The following RIPOR3 variants were observed in gnomAD, a reference collection of about 807,000 sequenced individuals.
The protein encoded by RIPOR3 is family with sequence similarity 65 member C.
In RIPOR3, 95 loss-of-function variants were observed where a neutral mutation model predicts 114.3. The ratio of observed to expected loss-of-function variants is 0.83; its 90% CI spans 0.70 to 0.99. The LOEUF is 0.99. RIPOR3 is among the 50% of genes least tolerant of loss of function. RIPOR3 has a pLI of 0.00. For synonymous variants in RIPOR3, 575 were observed against 543.8 expected, an observed-to-expected ratio of 1.06 and a Z score of -0.80; for missense variants, 1,252 against 1,266.9, an observed-to-expected ratio of 0.99 and a Z score of 0.18.
intron 1 of RIPOR3, chr20:50,662,216 G>A (rs1457262417): frequency 1.3e-5 from 2 of 152,270 alleles, no homozygotes; most frequent in Non-Finnish European, 2.9e-5. Flanking sequence ...TCTGAAGGAG[G>A]AGCCCTCAGA....
chr20:50,598,837 G>A (rs979456489), intron 13 of RIPOR3, among the ~76,000 whole-genome samples: 7 of 151,466 alleles, frequency 4.6e-5, no homozygotes, highest in Non-Finnish European at 7.4e-5. Flanking sequence ...CCGGGGAGGC[G>A]GAGGTTGCAG....
At chr20:50,591,386 A>G (rs1275075812) in intron 19 of RIPOR3, among the ~76,000 whole-genome samples, 1 of 152,144 alleles carries the variant, frequency 6.6e-6, no homozygotes, top group Admixed American at 6.5e-5. Flanking sequence ...AAAGTGATAC[A>G]GGGGAGTGGA....
chr20:50,654,251 C>T (rs563399172), intron 1 of RIPOR3, among the ~76,000 whole-genome samples: 8 of 151,658 alleles, frequency 5.3e-5, no homozygotes, highest in Non-Finnish European at 1.0e-4. Context: ...ACTGCAACCT[C>T]CACCTCCCGG....
chr20:50,689,882 G>A (rs562598647), intron 1 of RIPOR3, among the ~76,000 whole-genome samples: 56 of 152,242 alleles, frequency 3.7e-4, no homozygotes, highest in African/African-American at 1.3e-3. Flanking sequence ...ATTTTCCAAG[G>A]GAAGAAAAAA....
rs532029580 is a variant in RIPOR3 at position 50,645,598 on chromosome 20, G to C, written c.4-14742C>G. On this transcript the variant is annotated intron_variant, in intron 1 of 21. Transcript: ENST00000327979. ...GGCACTGGGAACCCTGTGGGCATGCGCAGTTCAAGCCCATCCCCGCTCCCT... is the reference window on the plus strand; with the variant it reads ...GGCACTGGGAACCCTGTGGGCATGCCCAGTTCAAGCCCATCCCCGCTCCCT... 5 of 152,628 alleles carry C rather than the reference G, an allele frequency of 3.3e-5. No individual in the cohort carries two copies. In the South Asian group the frequency reaches 1.0e-3, roughly 32 times the overall value. The allele number at this position is 152,628 out of a possible 1,614,324, so 9.5% of individuals were successfully genotyped here.
intron 1 of RIPOR3, among the ~76,000 whole-genome samples, chr20:50,670,918 C>CTATT (rs1216730639): frequency 6.6e-6 from 1 of 151,912 alleles, no homozygotes; most frequent in Non-Finnish European, 1.5e-5. Flanking sequence ...GACACTTCTG[C>CTATT]TATTTATTTA....
chr20:50,653,693 C>T (rs1016336410), intron 1 of RIPOR3, among the ~76,000 whole-genome samples: 75 of 151,778 alleles, frequency 4.9e-4, no homozygotes, highest in African/African-American at 1.7e-3. Flanking sequence ...CGGGTTTGAG[C>T]AATTCTCCCA....
intron 2 of RIPOR3, among the ~76,000 whole-genome samples, chr20:50,626,543 G>T (rs1018617109): frequency 1.3e-5 from 2 of 152,222 alleles, no homozygotes; most frequent in Non-Finnish European, 2.9e-5. Flanking sequence ...AGAGGCAGAG[G>T]CCTACCGTGG....
At chr20:50,597,427 G>A in intron 14 of RIPOR3, 153 bp downstream of exon 14, 1 of 1,128,242 alleles carries the variant, frequency 8.9e-7, no homozygotes, top group Non-Finnish European at 1.2e-6. Flanking sequence ...GGATGTGCGG[G>A]GATGGCATGG....
intron 1 of RIPOR3, among the ~76,000 whole-genome samples, chr20:50,673,424 C>A (rs1300672271): frequency 6.6e-6 from 1 of 152,128 alleles, no homozygotes; most frequent in African/African-American, 2.4e-5. Flanking sequence ...GCCAGCTACC[C>A]CCTGCAAAGG....
chr20:50,616,475 T>C (rs1342356164), intron 3 of RIPOR3, among the ~76,000 whole-genome samples: 1 of 152,150 alleles, frequency 6.6e-6, no homozygotes, highest in Non-Finnish European at 1.5e-5. Flanking sequence ...CTTGAGCAGC[T>C]GGGACTACAG....
At chr20:50,590,784 C>T (rs1012285925) in intron 19 of RIPOR3, among the ~76,000 whole-genome samples, 18 of 151,464 alleles carry the variant, frequency 1.2e-4, no homozygotes, top group African/African-American at 4.1e-4. Context: ...GTTTCCTACT[C>T]TCTAAAGTCT....
At chr20:50,690,567 G>A (rs891688528) in intron 1 of RIPOR3, among the ~76,000 whole-genome samples, 3 of 152,272 alleles carry the variant, frequency 2.0e-5, no homozygotes, top group Middle Eastern at 3.4e-3. Context: ...CCTGCTGCTT[G>A]GGATAATTGC....
rs752642020 is a variant in RIPOR3, at chr20:50,594,550, C to T, written c.2212+3G>A. ...GGGGACGACAGGACAGAAGGGAACC[C>T]ACCTATTTCCAGCTGTCCTGGGTAC... On this transcript the variant is annotated splice_donor_region_variant and intron_variant, in intron 17 of 21. Coordinates refer to ENST00000327979, the MANE Select transcript of RIPOR3 (RefSeq NM_001290268.2). The T allele has an allele frequency of 9.9e-6, 16 of 1,612,912 alleles. No individual in the cohort carries two copies. Among genetic ancestry groups the T allele is most frequent in the Admixed American group, 1.7e-5 (1 of 59,964 alleles).
At chr20:50,673,845 G>A (rs192684570) in intron 1 of RIPOR3, among the ~76,000 whole-genome samples, 31 of 152,246 alleles carry the variant, frequency 2.0e-4, no homozygotes, top group Admixed American at 1.3e-3. Flanking sequence ...GAATCGTTGC[G>A]AGCATTTATT....
chr20:50,665,605 A>G (rs1237750057), intron 1 of RIPOR3, among the ~76,000 whole-genome samples: 2 of 151,788 alleles, frequency 1.3e-5, no homozygotes, highest in Non-Finnish European at 2.9e-5. Context: ...TATCTTTAGT[A>G]GAGATGGGGT....
At chr20:50,661,185 C>G in intron 1 of RIPOR3, among the ~76,000 whole-genome samples, 1 of 151,584 alleles carries the variant, frequency 6.6e-6, no homozygotes, top group East Asian at 2.0e-4. Context: ...TTGCAGTGAG[C>G]CAAAATCACG....
At chr20:50,599,901 CACTT>C (rs1311126749) in intron 13 of RIPOR3, among the ~76,000 whole-genome samples, 1 of 145,952 alleles carries the variant, frequency 6.9e-6, no homozygotes, top group Non-Finnish European at 1.5e-5. Context: ...CTCACACACA[CACTT>C]TTTTTTCTTT....
chr20:50,688,070 G>T (rs1248920842), intron 1 of RIPOR3, among the ~76,000 whole-genome samples: 3 of 152,022 alleles, frequency 2.0e-5, no homozygotes, highest in Non-Finnish European at 2.9e-5. Context: ...TCAACCTATG[G>T]TTACAATTGA....
Sources: allele counts gnomAD v4.1 joint callset (sites outside exome capture counted in the v4.1 genomes callset), GRCh38; gene constraint gnomAD v4.1.1; transcripts MANE v1.5; gene names NCBI Gene and HGNC (gene_info 2026-07-23, HGNC 2026-07-21).